The following ANKDD1B variants were observed in gnomAD, a reference collection of about 807,000 sequenced individuals.
ANKDD1B encodes the protein ankyrin repeat and death domain containing 1B.
ANKDD1B carries 57 observed loss-of-function variants against 59.7 expected under a neutral mutation model. That is an observed-to-expected ratio of 0.95 (90% confidence interval 0.77 to 1.19). ANKDD1B has a LOEUF of 1.19. Among genes scored for constraint, ANKDD1B ranks in the 50% most tolerant of loss-of-function variants. ANKDD1B has a pLI of 0.00. For missense variants in ANKDD1B, 602 were observed against 641.9 expected (o/e 0.94, Z 0.67); for synonymous variants, 216 against 239.5 (o/e 0.90, Z 0.91).
rs1424939188 is a variant in ANKDD1B at position 75,666,783 on chromosome 5, T to A, written c.1192-9T>A. 1 of 1,525,246 alleles carries A rather than the reference T, an allele frequency of 6.6e-7. No homozygotes were observed. Among genetic ancestry groups the A allele is most frequent in the Non-Finnish European group, 8.8e-7 (1 of 1,137,184 alleles). The allele number at this position is 1,525,246 out of a possible 1,614,324, so 94.5% of individuals were successfully genotyped here. A position where few individuals can be genotyped will look rare whatever the true frequency, so the allele number is the denominator to read the frequency against. ...CTGAAATCTTCTGATACAATTATTT[T>A]CACTTTAGGAGCATCATGAGAGCAT... On this transcript the variant is annotated splice_polypyrimidine_tract_variant and intron_variant, in intron 11 of 13. Coordinates refer to ENST00000601380, the MANE Select transcript of ANKDD1B (RefSeq NM_001276713.2).
At chr5:75,633,208 G>C (rs868544362) in intron 5 of ANKDD1B, among the ~76,000 whole-genome samples, 8 of 152,062 alleles carry the variant, frequency 5.3e-5, no homozygotes, top group African/African-American at 1.7e-4. Context: ...CCATTTCTTA[G>C]TGATTTCCTG....
chr5:75,619,539 T>C (rs766927797), intron 2 of ANKDD1B, among the ~76,000 whole-genome samples: 21 of 152,214 alleles, frequency 1.4e-4, no homozygotes, highest in African/African-American at 1.9e-4. Flanking sequence ...AAATCAAATA[T>C]TTAAATGGTT....
intron 7 of ANKDD1B, among the ~76,000 whole-genome samples, chr5:75,641,119 A>G (rs1424030162): frequency 6.6e-6 from 1 of 152,238 alleles, no homozygotes; most frequent in African/African-American, 2.4e-5. Flanking sequence ...CTCTAAATGC[A>G]GAATACTTTT....
intron 1 of ANKDD1B, among the ~76,000 whole-genome samples, chr5:75,614,292 A>G (rs1773656229): frequency 6.6e-6 from 1 of 152,214 alleles, no homozygotes; most frequent in Non-Finnish European, 1.5e-5. Flanking sequence ...GTTGTGTTAC[A>G]GAAAAATCCT....
rs143936861 is a variant in ANKDD1B, at chr5:75,635,792, C to T, written c.708C>T (p.Asn236=). 226 of 1,529,782 alleles carry T rather than the reference C, an allele frequency of 1.5e-4. No individual in the cohort carries two copies. The African/African-American group carries it at 2.9e-3, about 19-fold the overall frequency. The allele number at this position is 1,529,782 out of a possible 1,614,324, so 94.8% of individuals were successfully genotyped here. The part of the protein sequence containing the change: ...LHTSEKDKGG[N]TALHLAAKHG... The stretch of plus-strand genomic sequence containing the variant: ...GTGTGTCTCTGTTGCAGGGGGGAAA[C>T]ACTGCCTTGCACCTCGCTGCGAAGC... The change falls in exon 7 of 14, where the codon AAC becomes AAT. Residue 236 remains asparagine, a synonymous_variant. Coordinates refer to ENST00000601380, the MANE Select transcript of ANKDD1B (RefSeq NM_001276713.2).
chr5:75,629,457 A>G (rs1774089837), intron 5 of ANKDD1B, among the ~76,000 whole-genome samples: 1 of 152,130 alleles, frequency 6.6e-6, no homozygotes, highest in Non-Finnish European at 1.5e-5. Context: ...TCCCTGTGGT[A>G]AAGGAAGGTC....
chr5:75,663,283 C>A, intron 10 of ANKDD1B, 111 bp from the exon 11 acceptor site: 1 of 791,722 alleles, frequency 1.3e-6, no homozygotes, highest in Non-Finnish European at 2.1e-6. Flanking sequence ...CTAAGTTTAC[C>A]CAGCATGGGC....
rs1038057104 is a variant in ANKDD1B at position 75,611,828 on chromosome 5, G to T, written c.193+1G>T. 3.0e-5 allele frequency: 37 copies of T among 1,231,754 alleles called. No homozygotes were observed. Among genetic ancestry groups the T allele is most frequent in the Non-Finnish European group, 3.6e-5 (36 of 988,166 alleles). 76.3% of individuals were successfully genotyped at this position (1,231,754 alleles called of 1,614,324 possible). A position where few individuals can be genotyped will look rare whatever the true frequency, so the allele number is the denominator to read the frequency against. Reference sequence around the variant, plus strand: ...ACAGCAGTTGCCGGACACGAGCTCCGTGAGTCCCGGGACGAGGTCTCAGAA... The same window carrying T: ...ACAGCAGTTGCCGGACACGAGCTCCTTGAGTCCCGGGACGAGGTCTCAGAA... On this transcript the variant is annotated splice_donor_variant, in intron 1 of 13. Transcript: ENST00000601380. LOFTEE classifies it high-confidence loss of function.
At chr5:75,626,370 C>T (rs2112966282) in intron 5 of ANKDD1B, among the ~76,000 whole-genome samples, 2 of 152,272 alleles carry the variant, frequency 1.3e-5, no homozygotes, top group East Asian at 3.9e-4. Context: ...GTCAATATTC[C>T]TTTTCTTTAC....
At chr5:75,613,516 C>T (rs1773627518) in intron 1 of ANKDD1B, among the ~76,000 whole-genome samples, 1 of 152,138 alleles carries the variant, frequency 6.6e-6, no homozygotes, top group African/African-American at 2.4e-5. Context: ...GTAGACTCAC[C>T]TAGGTGGGAA....
At chr5:75,615,989 T>C (rs1254311739) in intron 1 of ANKDD1B, among the ~76,000 whole-genome samples, 1 of 152,190 alleles carries the variant, frequency 6.6e-6, no homozygotes, top group Non-Finnish European at 1.5e-5. Flanking sequence ...AATGTTATGA[T>C]GGTACCATTT....
chr5:75,617,972 A>G (rs1351742076), intron 2 of ANKDD1B, among the ~76,000 whole-genome samples: 1 of 151,602 alleles, frequency 6.6e-6, no homozygotes, highest in East Asian at 1.9e-4. Context: ...TGTGGGGATG[A>G]GTGTGGGGAT....
intron 9 of ANKDD1B, 71 bp downstream of exon 9, chr5:75,656,198 T>C: frequency 2.8e-6 from 2 of 722,530 alleles, no homozygotes. Context: ...TTATGGGGAG[T>C]TTTGATTAAG....
rs1775317944 is a variant in ANKDD1B, at chr5:75,666,814, AC to A, written c.1217del (p.Pro406ArgfsTer7). 6.5e-7 allele frequency: 1 copy of A among 1,535,790 alleles called. No homozygotes were observed. Among genetic ancestry groups the A allele is most frequent in the South Asian group, 1.2e-5 (1 of 84,038 alleles). ...WREEHHESIR[D>X]PSTGFTLTFK... Reference sequence around the variant, plus strand: ...TAGGAGCATCATGAGAGCATCAGGGACCCGTCAACAGGCTTTACTCTGACAT... The same window carrying A: ...TAGGAGCATCATGAGAGCATCAGGGACCGTCAACAGGCTTTACTCTGACAT... On this transcript the variant is annotated frameshift_variant, in exon 12 of 14. Coordinates refer to ENST00000601380, the MANE Select transcript of ANKDD1B (RefSeq NM_001276713.2). LOFTEE classifies it high-confidence loss of function.
intron 5 of ANKDD1B, among the ~76,000 whole-genome samples, chr5:75,631,089 A>G (rs1581136482): frequency 6.6e-6 from 1 of 152,190 alleles, no homozygotes; most frequent in East Asian, 1.9e-4. Flanking sequence ...GGACAGCACA[A>G]AATGGGCTAA....
At position 75,634,798 on chromosome 5, in the gene ANKDD1B, T is replaced by C. The variant is rs543919896; in HGVS notation, c.601-100T>C. On this transcript the variant is annotated intron_variant, in intron 5 of 13. Coordinates refer to ENST00000601380, the MANE Select transcript of ANKDD1B (RefSeq NM_001276713.2). ...CTTCCTCCCTGAAGAAGGGCCATCT[T>C]GGACTCCCCATCATCCTTGAAATGT... 10 of 728,058 alleles carry C rather than the reference T, an allele frequency of 1.4e-5. No individual in the cohort carries two copies. In the East Asian group the frequency reaches 1.9e-4, roughly 14 times the overall value. The allele number at this position is 728,058 out of a possible 1,614,324, so 45.1% of individuals were successfully genotyped here.
intron 3 of ANKDD1B, among the ~76,000 whole-genome samples, chr5:75,623,772 C>T (rs1198914340): frequency 1.3e-5 from 2 of 152,148 alleles, no homozygotes; most frequent in African/African-American, 2.4e-5. Context: ...CCTCCCCCCA[C>T]CCACGGCATG....
intron 1 of ANKDD1B, among the ~76,000 whole-genome samples, chr5:75,613,055 T>A (rs540958670): frequency 6.6e-6 from 1 of 152,216 alleles, no homozygotes; most frequent in East Asian, 1.9e-4. Context: ...TGCCAAGAGC[T>A]CAATGCACAT....
rs1245531767 is a variant in ANKDD1B, at chr5:75,645,011, T to C, written c.799-8131T>C. On this transcript the variant is annotated intron_variant, in intron 7 of 13. Coordinates refer to ENST00000601380, the MANE Select transcript of ANKDD1B (RefSeq NM_001276713.2). ...TCCTGAATGACTATTGGGTACATAA[T>C]GAAATGAAGGCAGAAATAAAGATGT... is the stretch of plus-strand genomic sequence containing the variant. Among the ~76,000 whole-genome samples the C allele has an allele frequency of 9.3e-3, 1,227 of 132,260 alleles. 120 individuals carry two copies. The highest frequency in any genetic ancestry group is 0.047 in the African/African-American group (1,110 of 23,580). 86.8% of individuals were successfully genotyped at this position (132,260 alleles called of 152,430 possible).
Sources: allele counts gnomAD v4.1 joint callset (sites outside exome capture counted in the v4.1 genomes callset), GRCh38; gene constraint gnomAD v4.1.1; transcripts MANE v1.5; gene names NCBI Gene and HGNC (gene_info 2026-07-23, HGNC 2026-07-21).